Variants in BAIAP2L1 observed in about 807,000 individuals in gnomAD.
The protein encoded by BAIAP2L1 is BAR/IMD domain containing adaptor protein 2 like 1, also known as BAR/IMD domain-containing adapter protein 2-like 1.
BAIAP2L1 carries 35 observed loss-of-function variants against 66.3 expected under a neutral mutation model. The ratio of observed to expected loss-of-function variants is 0.53; its 90% CI spans 0.40 to 0.70. The LOEUF (loss-of-function observed/expected upper bound fraction) is 0.70. Among genes scored for constraint, BAIAP2L1 ranks in the 30% least tolerant of loss-of-function variants. The pLI is 0.00. For missense variants in BAIAP2L1, 622 were observed against 656.9 expected, an observed-to-expected ratio of 0.95 and a Z score of 0.58; for synonymous variants, 269 against 248.7, an observed-to-expected ratio of 1.08 and a Z score of -0.77.
intron 12 of BAIAP2L1, among the ~76,000 whole-genome samples, chr7:98,302,989 T>C (rs1460592624): frequency 6.6e-6 from 1 of 152,160 alleles, no homozygotes; most frequent in Non-Finnish European, 1.5e-5. Context: ...TTTTGCTATG[T>C]TGCCAGTTTG....
At chr7:98,329,713 T>A (rs76462315) in intron 3 of BAIAP2L1, among the ~76,000 whole-genome samples, 7 of 146,928 alleles carry the variant, frequency 4.8e-5, no homozygotes, top group Admixed American at 1.4e-4. Context: ...TAAAGGGATT[T>A]AAAAAAAAAA....
chr7:98,352,352 G>T (rs933899944), intron 3 of BAIAP2L1, among the ~76,000 whole-genome samples: 5 of 152,082 alleles, frequency 3.3e-5, no homozygotes, highest in Admixed American at 3.3e-4. Flanking sequence ...AAATACATAC[G>T]CACAAGTGGC....
chr7:98,372,177 G>C (rs757552473), intron 1 of BAIAP2L1, among the ~76,000 whole-genome samples: 24 of 151,976 alleles, frequency 1.6e-4, no homozygotes, highest in Non-Finnish European at 2.5e-4. Context: ...GAGGCAAGGC[G>C]GTCGGATCAC....
At chr7:98,355,879 AT>A (rs1802108316) in intron 2 of BAIAP2L1, among the ~76,000 whole-genome samples, 1 of 152,106 alleles carries the variant, frequency 6.6e-6, no homozygotes. Context: ...GCAGTGCTTA[AT>A]TTTTCTATTG....
chr7:98,320,778 C>G (rs926223219), intron 3 of BAIAP2L1, among the ~76,000 whole-genome samples: 1 of 152,220 alleles, frequency 6.6e-6, no homozygotes, highest in Non-Finnish European at 1.5e-5. Context: ...CAGGGGGACA[C>G]AGCTGAGAGC....
At chr7:98,311,759 A>G (rs924316511) in intron 8 of BAIAP2L1, among the ~76,000 whole-genome samples, 1 of 152,046 alleles carries the variant, frequency 6.6e-6, no homozygotes, top group Non-Finnish European at 1.5e-5. Flanking sequence ...TACAAAAATT[A>G]GCCAGGCATG....
At chr7:98,335,659 C>T (rs942922867) in intron 3 of BAIAP2L1, among the ~76,000 whole-genome samples, 2 of 152,230 alleles carry the variant, frequency 1.3e-5, no homozygotes, top group African/African-American at 4.8e-5. Flanking sequence ...ATATCCGATT[C>T]TCACATCCTT....
chr7:98,376,388 T>C (rs1252279891), intron 1 of BAIAP2L1, among the ~76,000 whole-genome samples: 1 of 151,742 alleles, frequency 6.6e-6, no homozygotes, highest in Non-Finnish European at 1.5e-5. Flanking sequence ...GGCGTGTGCT[T>C]GTGGTCCCAG....
chr7:98,382,430 G>A (rs1035524627), intron 1 of BAIAP2L1, among the ~76,000 whole-genome samples: 2 of 152,146 alleles, frequency 1.3e-5, no homozygotes, highest in Non-Finnish European at 2.9e-5. Context: ...AGGATTGCTT[G>A]AGGCCAGGAG....
At chr7:98,350,810 TG>T (rs1801983789) in intron 3 of BAIAP2L1, among the ~76,000 whole-genome samples, 1 of 151,962 alleles carries the variant, frequency 6.6e-6, no homozygotes, top group Non-Finnish European at 1.5e-5. Context: ...TGTGGTCTTC[TG>T]GGGGAAAAAA....
chr7:98,303,194 C>T (rs372703989), intron 12 of BAIAP2L1, among the ~76,000 whole-genome samples: 6 of 152,196 alleles, frequency 3.9e-5, no homozygotes, highest in Admixed American at 1.3e-4. Flanking sequence ...TCAAGGCTCA[C>T]GCGTAGGTCT....
chr7:98,334,549 G>T (rs567682451), intron 3 of BAIAP2L1, among the ~76,000 whole-genome samples: 1 of 152,038 alleles, frequency 6.6e-6, no homozygotes, highest in Admixed American at 6.6e-5. Flanking sequence ...TCATTAAGGG[G>T]TTTTTGTTTT....
intron 3 of BAIAP2L1, among the ~76,000 whole-genome samples, chr7:98,336,166 T>C (rs994158872): frequency 1.3e-5 from 2 of 151,632 alleles, no homozygotes; most frequent in African/African-American, 4.9e-5. Context: ...GAGAGGGGAA[T>C]AAGGGTTAAA....
chr7:98,378,643 GTT>G (rs879884827), intron 1 of BAIAP2L1, among the ~76,000 whole-genome samples: 1 of 147,688 alleles, frequency 6.8e-6, no homozygotes. Context: ...GGCTAGGGAT[GTT>G]TTTTTTTTTA....
intron 5 of BAIAP2L1, among the ~76,000 whole-genome samples, chr7:98,319,293 C>A (rs1801173568): frequency 6.6e-6 from 1 of 152,180 alleles, no homozygotes. Context: ...GATAAACCTG[C>A]TGAAATGGAC....
chr7:98,344,710 G>A (rs1423424447), intron 3 of BAIAP2L1, among the ~76,000 whole-genome samples: 3 of 152,178 alleles, frequency 2.0e-5, no homozygotes, highest in East Asian at 1.9e-4. Flanking sequence ...CGAGGTGGGC[G>A]GATCACCTGA....
In BAIAP2L1 at chr7:98,313,237, G is replaced by A. The variant is rs952455296; in HGVS notation, c.640-973C>T. 3.3e-5 allele frequency among the ~76,000 whole-genome samples: 5 copies of A among 151,882 alleles called. No homozygotes were observed. The East Asian group carries it at 5.8e-4, about 18-fold the overall frequency. ...CCAACTCCACAGAAAGGACTGAGGC[G>A]CTTTAGCTGAATTAAGGGAAGCCAC... On this transcript the variant is annotated intron_variant, in intron 7 of 13. Coordinates refer to ENST00000005260, the MANE Select transcript of BAIAP2L1 (RefSeq NM_018842.5).
At chr7:98,359,649 G>C (rs552089523) in intron 2 of BAIAP2L1, among the ~76,000 whole-genome samples, 2 of 151,782 alleles carry the variant, frequency 1.3e-5, no homozygotes, top group African/African-American at 4.8e-5. Context: ...CTCCTGCAGG[G>C]CCTCCTCCCT....
intron 5 of BAIAP2L1, 89 bp from the exon 6 acceptor site, chr7:98,317,445 G>A: frequency 6.7e-7 from 1 of 1,500,348 alleles, no homozygotes. Flanking sequence ...ACTGTGTGTG[G>A]CTCAACGGGG....
Sources: gnomAD v4.1 joint callset for allele counts (sites outside exome capture counted in the v4.1 genomes callset) on GRCh38, gnomAD v4.1.1 for gene constraint, MANE v1.5 for transcripts, NCBI Gene and HGNC (gene_info 2026-07-23, HGNC 2026-07-21) for gene names.